Variants in RBBP6 observed in about 807,000 individuals in gnomAD.
RBBP6 encodes the protein E3 ubiquitin-protein ligase RBBP6.
RBBP6 carries 25 observed loss-of-function variants against 167.7 expected under a neutral mutation model. The ratio of observed to expected loss-of-function variants is 0.15; its 90% CI spans 0.11 to 0.21. The LOEUF is 0.21. Among genes scored for constraint, RBBP6 ranks in the 10% least tolerant of loss-of-function variants. RBBP6 has a pLI of 1.00. For missense variants in RBBP6, 1,868 were observed against 2,134.2 expected (o/e 0.88, Z 2.46); for synonymous variants, 789 against 735.8 (o/e 1.07, Z -1.17).
At chr16:24,556,266 G>A (rs751312492) in intron 6 of RBBP6, 42 bp from the exon 7 acceptor site, 50 of 1,462,136 alleles carry the variant, frequency 3.4e-5, no homozygotes, top group Middle Eastern at 2.0e-4. Context: ...AAAGATAACT[G>A]CTTTTTCTCT....
Position 24,539,903 on chromosome 16 carries a change from G to T in RBBP6, c.-724G>T, listed in dbSNP as rs1898438175. The T allele has an allele frequency of 6.5e-6, 1 of 153,178 alleles. No individual in the cohort carries two copies. Among genetic ancestry groups the T allele is most frequent in the South Asian group, 1.8e-4 (1 of 5,588 alleles). The allele number at this position is 153,178 out of a possible 1,614,324, so 9.5% of individuals were successfully genotyped here. A position where few individuals can be genotyped will look rare whatever the true frequency, so the allele number is the denominator to read the frequency against. On this transcript the variant is annotated 5_prime_UTR_variant, in exon 1 of 18. Coordinates refer to ENST00000319715, the MANE Select transcript of RBBP6 (RefSeq NM_006910.5). ...CGAGGCCTCGCCGAGGCCTAGCGCC[G>T]GCTTTGTGTCCGAGGCGGCGGCGGC...
In RBBP6 at chr16:24,571,506, A is replaced by G. The variant is rs1317524182; in HGVS notation, c.4440A>G (p.Arg1480=). 2 of 1,613,316 alleles carry G rather than the reference A, an allele frequency of 1.2e-6. No individual in the cohort carries two copies. Among genetic ancestry groups the G allele is most frequent in the Non-Finnish European group, 1.7e-6 (2 of 1,179,852 alleles). The change falls in exon 18 of 18, where the codon AGA becomes AGG. Residue 1480 remains arginine, a synonymous_variant. Transcript: ENST00000319715. ...NRDKKTDYDT[R]EYSSSKRRDE... is the part of the protein sequence containing the mutation. ...ACAAAAAAACTGACTATGACACCAGAGAGTATTCAAGTTCCAAACGTAGAG... is the reference window on the plus strand; with the variant it reads ...ACAAAAAAACTGACTATGACACCAGGGAGTATTCAAGTTCCAAACGTAGAG...
rs1026603633 is a variant in RBBP6 at position 24,571,124 on chromosome 16, G to A, written c.4058G>A (p.Ser1353Asn). The A allele has an allele frequency of 2.5e-6, 4 of 1,613,442 alleles. No individual in the cohort carries two copies. Among genetic ancestry groups the A allele is most frequent in the Middle Eastern group, 1.7e-4 (1 of 6,060 alleles). Reference sequence around the variant, plus strand: ...CCTGCTAGTGTTATAAAAAATGTTAGTACAAAGCCATCAAATATAGTCAAG... The same window carrying A: ...CCTGCTAGTGTTATAAAAAATGTTAATACAAAGCCATCAAATATAGTCAAG... ...GKPASVIKNV[S>N]TKPSNIVKYP... The change falls in exon 18 of 18, where the codon AGT becomes AAT. Residue 1353 changes from serine to asparagine, a missense_variant. By Grantham distance (46) the Ser-to-Asn change is conservative. Coordinates refer to ENST00000319715, the MANE Select transcript of RBBP6 (RefSeq NM_006910.5).
chr16:24,567,642 A>G, intron 15 of RBBP6, 137 bp downstream of exon 15: 1 of 1,288,254 alleles, frequency 7.8e-7, no homozygotes, highest in South Asian at 1.5e-5. Context: ...AAGCCATACA[A>G]GCAACTTCTC....
In RBBP6 at chr16:24,572,292, A is replaced by G. The variant is rs770610761; in HGVS notation, c.5226A>G (p.Lys1742=). Residue 1742 remains lysine (K), a synonymous_variant, in exon 18 of 18, where the codon AAA becomes AAG. Transcript: ENST00000319715. ...AAAAGAAAAAACACAAGAAACATAA[A>G]AAGCATAAGAAGCATAAGAAACATG... is the stretch of plus-strand genomic sequence containing the variant. ...KKEKKKHKKH[K]KHKKHKKHAG... is the part of the protein sequence containing the mutation. 1.3e-6 allele frequency: 2 copies of G among 1,595,728 alleles called. No homozygotes were observed. Among genetic ancestry groups the G allele is most frequent in the South Asian group, 1.1e-5 (1 of 89,246 alleles).
Position 24,563,229 on chromosome 16 carries a change from A to T in RBBP6, c.1320A>T (p.Ala440=), listed in dbSNP as rs1328121427. Residue 440 remains alanine, a synonymous_variant, in exon 11 of 18, where the codon GCA becomes GCT. Transcript: ENST00000319715. ...CTGATAATAAAATATTGCCAGCTGC[A>T]GCTCTTGCATCAGAGCACTCAAAGG... ...RDSDNKILPA[A]ALASEHSKGT... 2 of 1,610,110 alleles carry T rather than the reference A, an allele frequency of 1.2e-6. No individual in the cohort carries two copies. The highest frequency in any genetic ancestry group is 1.7e-6 in the Non-Finnish European group (2 of 1,177,954).
At position 24,567,277 on chromosome 16, in the gene RBBP6, C is replaced by T. The variant is rs1479996718; in HGVS notation, c.1724C>T (p.Pro575Leu). 2 of 1,614,162 alleles carry T rather than the reference C, an allele frequency of 1.2e-6. No homozygotes were observed. ...CCTCCTCCCCATACACTTCCTCTCC[C>T]TCCGGGTGTTCCTCCTCCACAGTTT... ...YPPPPHTLPL[P>L]PGVPPPQFSP... Residue 575 changes from proline (P) to leucine (L), a missense_variant, in exon 15 of 18, where the codon CCT becomes CTT. By Grantham distance (98) the Pro-to-Leu change is moderately conservative. Around this residue, in one of 7 missense-constraint regions of RBBP6, gnomAD observed 145 missense variants for 224.3 expected, o/e 0.65. Transcript: ENST00000319715.
chr16:24,568,687 T>A, intron 16 of RBBP6, 58 bp from the exon 17 acceptor site: 1 of 1,527,988 alleles, frequency 6.5e-7, no homozygotes, highest in African/African-American at 1.4e-5. Context: ...TCTGAGAGTC[T>A]GTGTTTTATT....
chr16:24,564,370 G>T (rs1899143683), intron 13 of RBBP6, among the ~76,000 whole-genome samples: 1 of 152,160 alleles, frequency 6.6e-6, no homozygotes, highest in African/African-American at 2.4e-5. Flanking sequence ...TTTCCTAGCT[G>T]CATGACAGTG....
At chr16:24,545,229 A>G (rs1047533652) in intron 1 of RBBP6, among the ~76,000 whole-genome samples, 2 of 151,492 alleles carry the variant, frequency 1.3e-5, no homozygotes, top group Non-Finnish European at 1.5e-5. Context: ...CCACCACCAA[A>G]CCTTCCTAAT....
At chr16:24,542,537 C>T (rs1379662652) in intron 1 of RBBP6, among the ~76,000 whole-genome samples, 1 of 151,994 alleles carries the variant, frequency 6.6e-6, no homozygotes, top group Non-Finnish European at 1.5e-5. Context: ...TAGCTCACTG[C>T]AACCTCCGCC....
intron 14 of RBBP6, among the ~76,000 whole-genome samples, chr16:24,565,169 G>T (rs1899163136): frequency 6.6e-6 from 1 of 152,138 alleles, no homozygotes; most frequent in Admixed American, 6.5e-5. Flanking sequence ...AGAAAGTCAG[G>T]GGTCAGACAA....
At chr16:24,555,995 G>A in intron 6 of RBBP6, 78 bp downstream of exon 6, 1 of 1,292,036 alleles carries the variant, frequency 7.7e-7, no homozygotes. Context: ...TATTTTTCTT[G>A]GTTAATACTG....
Position 24,571,364 on chromosome 16 carries a change from G to A in RBBP6, c.4298G>A (p.Arg1433His), listed in dbSNP as rs549360264. ...CCAGAGAAAGAGAGTAATTTGGACCGTCTGAATGAACAAGGAAATTTTAAA... is the reference window on the plus strand; with the variant it reads ...CCAGAGAAAGAGAGTAATTTGGACCATCTGAATGAACAAGGAAATTTTAAA... ...TQPEKESNLD[R>H]LNEQGNFKSL... is the part of the protein sequence containing the mutation. The change falls in exon 18 of 18, where the codon CGT becomes CAT. Residue 1433 changes from arginine (R) to histidine (H), a missense_variant. Coordinates refer to ENST00000319715, the MANE Select transcript of RBBP6 (RefSeq NM_006910.5). 6.6e-5 allele frequency: 107 copies of A among 1,614,040 alleles called. 4 individuals are homozygous for A. The South Asian group carries it at 9.0e-4, about 14-fold the overall frequency.
intron 14 of RBBP6, among the ~76,000 whole-genome samples, 191 bp downstream of exon 14, chr16:24,565,056 A>G (rs1899159654): frequency 6.6e-6 from 1 of 152,166 alleles, no homozygotes; most frequent in South Asian, 2.1e-4. Context: ...AGTATCTTAA[A>G]TGATGGTTTT....
At chr16:24,565,802 C>T (rs983631953) in intron 14 of RBBP6, among the ~76,000 whole-genome samples, 16 of 152,298 alleles carry the variant, frequency 1.1e-4, no homozygotes, top group Admixed American at 1.0e-3. Flanking sequence ...CATAATGGCT[C>T]ATGCTGGTAA....
intron 1 of RBBP6, among the ~76,000 whole-genome samples, chr16:24,542,798 A>ATT (rs1238579380): frequency 6.6e-6 from 1 of 152,208 alleles, no homozygotes; most frequent in Non-Finnish European, 1.5e-5. Context: ...CTGTCCGGAA[A>ATT]TTTAAGAGTT....
chr16:24,560,596 A>G (rs1028657664), intron 8 of RBBP6, among the ~76,000 whole-genome samples: 1 of 152,226 alleles, frequency 6.6e-6, no homozygotes, highest in Non-Finnish European at 1.5e-5. Context: ...GTTTTGAAAT[A>G]TACAGTCCTC....
At chr16:24,570,567 C>T in intron 17 of RBBP6, 68 bp downstream of exon 17, 2 of 1,349,408 alleles carry the variant, frequency 1.5e-6, no homozygotes, top group Middle Eastern at 2.1e-4. Context: ...TTTATCCATG[C>T]TTGTGCTTTT....
Sources: gnomAD v4.1 joint callset for allele counts (sites outside exome capture counted in the v4.1 genomes callset) on GRCh38, gnomAD v4.1.1 for gene constraint, gnomAD v4.1.1 regional missense constraint, MANE v1.5 for transcripts, NCBI Gene and HGNC (gene_info 2026-07-23, HGNC 2026-07-21) for gene names.